Variants in ZNF766 observed in about 807,000 individuals in gnomAD.
ZNF766 encodes the protein zinc finger protein 766.
In ZNF766, 13 loss-of-function variants were observed where a neutral mutation model predicts 13.2. That is an observed-to-expected ratio of 0.98 (90% CI 0.64 to 1.56). The LOEUF (loss-of-function observed/expected upper bound fraction) is 1.56, where lower values mean the gene tolerates loss of function less well. Ranked by LOEUF, ZNF766 falls within the 40% of genes most tolerant of loss-of-function variation. The pLI is 0.00. For missense variants in ZNF766, 521 were observed against 552.2 expected, an observed-to-expected ratio of 0.94 and a Z score of 0.57; for synonymous variants, 178 against 187.6, an observed-to-expected ratio of 0.95 and a Z score of 0.42.
intron 1 of ZNF766, among the ~76,000 whole-genome samples, chr19:52,273,870 C>T (rs1981077826): frequency 6.6e-6 from 1 of 152,220 alleles, no homozygotes; most frequent in Non-Finnish European, 1.5e-5. Flanking sequence ...CATTGGAGTG[C>T]AGATACACAT....
rs764681800 is a variant in ZNF766 at position 52,283,427 on chromosome 19, T to C, written c.274+14T>C. 6.4e-7 allele frequency: 1 copy of C among 1,551,574 alleles called. No homozygotes were observed. The highest frequency in any genetic ancestry group is 8.7e-7 in the Non-Finnish European group (1 of 1,151,462). On this transcript the variant is annotated intron_variant, in intron 3 of 3. Coordinates refer to ENST00000439461, the MANE Select transcript of ZNF766 (RefSeq NM_001010851.3). The stretch of plus-strand genomic sequence containing the variant: ...ATATCAACACAGGTAAGAGCTCAGA[T>C]GGACAGAGTGAAAGCCACACTTTTT...
rs1214337892 is a variant in ZNF766, at chr19:52,290,829, G to A, written c.1038G>A (p.Leu346=). ...FSGHSSLTTH[L]LIHTGEKPYK... Reference sequence around the variant, plus strand: ...GGCATTCAAGCCTCACCACCCATCTGTTAATCCACACTGGAGAGAAACCTT... The same window carrying A: ...GGCATTCAAGCCTCACCACCCATCTATTAATCCACACTGGAGAGAAACCTT... Residue 346 remains leucine, a synonymous_variant, in exon 4 of 4, where the codon CTG becomes CTA. Coordinates refer to ENST00000439461, the MANE Select transcript of ZNF766 (RefSeq NM_001010851.3). 6.2e-7 allele frequency: 1 copy of A among 1,613,966 alleles called. No homozygotes were observed. Among genetic ancestry groups the A allele is most frequent in the East Asian group, 2.2e-5 (1 of 44,896 alleles).
In ZNF766 at chr19:52,283,345, C is replaced by G; in HGVS notation, c.206C>G (p.Thr69Ser). 1 of 1,613,692 alleles carries G rather than the reference C, an allele frequency of 6.2e-7. No homozygotes were observed. The highest frequency in any genetic ancestry group is 2.2e-5 in the East Asian group (1 of 44,872). Residue 69 changes from threonine (T) to serine (S), a missense_variant, in exon 3 of 4, where the codon ACT becomes AGT. Physicochemically the swap from Thr to Ser is moderately conservative, Grantham distance 58. Transcript: ENST00000439461. ...ATGAAGCAAAGGACAGAGCCCTGGACTGTGGAGAATGAAATGAAAGTAGCA... is the reference window on the plus strand; with the variant it reads ...ATGAAGCAAAGGACAGAGCCCTGGAGTGTGGAGAATGAAATGAAAGTAGCA... ...SMMKQRTEPW[T>S]VENEMKVAKN...
At position 52,293,036 on chromosome 19, in the gene ZNF766, A is replaced by G. The variant is rs182156228; in HGVS notation, c.*1838A>G. 2,712 of 152,150 alleles carry G rather than the reference A, an allele frequency of 0.018. 41 individuals carry two copies. The highest frequency in any genetic ancestry group is 0.037 in the Middle Eastern group (11 of 294). The allele number at this position is 152,150 out of a possible 1,614,324, so 9.4% of individuals were successfully genotyped here. On this transcript the variant is annotated 3_prime_UTR_variant, in exon 4 of 4. Transcript: ENST00000439461. ...TGTGTCCAGGTGTTCTCATTGATCA[A>G]TTCCCACCTATGAGTGAGAACATGG...
rs1173283803 is a variant in ZNF766, at chr19:52,290,117, A to G, written c.326A>G (p.Gln109Arg). 6.2e-7 allele frequency: 1 copy of G among 1,614,034 alleles called. No individual in the cohort carries two copies. Among genetic ancestry groups the G allele is most frequent in the Admixed American group, 1.7e-5 (1 of 59,994 alleles). Residue 109 changes from glutamine (Q) to arginine (R), a missense_variant, in exon 4 of 4, where the codon CAA becomes CGA. Transcript: ENST00000439461. ...SKAGNKPITNQLGLTFQLPLP... is the reference protein window; with the variant it reads ...SKAGNKPITNRLGLTFQLPLP... The stretch of plus-strand genomic sequence containing the variant: ...GCAGGAAACAAGCCTATTACAAATC[A>G]ACTTGGATTAACCTTTCAGTTACCT...
chr19:52,282,450 A>G (rs1163664924), intron 2 of ZNF766: 2 of 366,886 alleles, frequency 5.5e-6, no homozygotes, highest in East Asian at 1.4e-4. Context: ...AACCTGACCA[A>G]AATGATAAAA....
chr19:52,277,451 T>G, intron 1 of ZNF766: 1 of 1,534,100 alleles, frequency 6.5e-7, no homozygotes, highest in Admixed American at 2.0e-5. Flanking sequence ...AGAGTGAGAC[T>G]CCGTCTCAAA....
chr19:52,295,128 ATAT>A lies in ZNF766; in HGVS notation c.*3932_*3934del, dbSNP rs1600207992. ...ATATGCACGTATAGACACATATATA[ATAT>A]TTTTTTTTTACTTTTTTCTTTTTCT... On this transcript the variant is annotated 3_prime_UTR_variant, in exon 4 of 4. Transcript: ENST00000439461. 6.6e-6 allele frequency: 1 copy of A among 150,738 alleles called. No homozygotes were observed. The highest frequency in any genetic ancestry group is 1.9e-4 in the East Asian group (1 of 5,194). 9.3% of individuals were successfully genotyped at this position (150,738 alleles called of 1,614,324 possible).
intron 1 of ZNF766, among the ~76,000 whole-genome samples, chr19:52,273,949 G>T (rs1981082210): frequency 6.6e-6 from 1 of 152,202 alleles, no homozygotes; most frequent in Admixed American, 6.5e-5. Flanking sequence ...CTTAATATTT[G>T]AAGTTGATTC....
chr19:52,277,607 T>G, intron 1 of ZNF766: 1 of 1,499,722 alleles, frequency 6.7e-7, no homozygotes, highest in Non-Finnish European at 9.0e-7. Flanking sequence ...GGTGCTGGAG[T>G]TGAGAATCTT....
Position 52,273,331 on chromosome 19 carries a change from T to A in ZNF766, c.18+3700T>A, listed in dbSNP as rs191415783. ...CCTATAAGTACATTAATTTATAACATAAATAATTACATAGTTACTAAAACA... is the reference window on the plus strand; with the variant it reads ...CCTATAAGTACATTAATTTATAACAAAAATAATTACATAGTTACTAAAACA... On this transcript the variant is annotated intron_variant, in intron 1 of 3. Coordinates refer to ENST00000439461, the MANE Select transcript of ZNF766 (RefSeq NM_001010851.3). Among the ~76,000 whole-genome samples the A allele has an allele frequency of 5.9e-5, 9 of 152,352 alleles. No individual in the cohort carries two copies. In the East Asian group the frequency reaches 1.5e-3, roughly 26 times the overall value.
At chr19:52,277,383 C>G in intron 1 of ZNF766, 1 of 1,207,696 alleles carries the variant, frequency 8.3e-7, no homozygotes, top group Non-Finnish European at 1.2e-6. Flanking sequence ...GGTGTGAACC[C>G]GGGAGGCGGA....
chr19:52,292,735 C>CTTCT lies in ZNF766; in HGVS notation c.*1542_*1545dup, dbSNP rs1406305301. ...ATTTTCCAAAGTGTGAATGATTTAC[C>CTTCT]TTCTTTCTACCAATATTGTTTTATC... On this transcript the variant is annotated 3_prime_UTR_variant, in exon 4 of 4. Coordinates refer to ENST00000439461, the MANE Select transcript of ZNF766 (RefSeq NM_001010851.3). The CTTCT allele has an allele frequency of 2.0e-5, 3 of 152,120 alleles. No homozygotes were observed. In the South Asian group the frequency reaches 6.2e-4, roughly 32 times the overall value. The allele number at this position is 152,120 out of a possible 1,614,324, so 9.4% of individuals were successfully genotyped here. A position where few individuals can be genotyped will look rare whatever the true frequency, so the allele number is the denominator to read the frequency against.
intron 1 of ZNF766, among the ~76,000 whole-genome samples, chr19:52,274,216 C>A (rs891990349): frequency 5.4e-5 from 8 of 146,958 alleles, no homozygotes; most frequent in African/African-American, 2.1e-4. Context: ...CTTCCAAGAT[C>A]CCCCCAAGAC....
intron 2 of ZNF766, among the ~76,000 whole-genome samples, chr19:52,282,840 G>A (rs950760966): frequency 6.6e-6 from 1 of 152,098 alleles, no homozygotes; most frequent in Non-Finnish European, 1.5e-5. Context: ...TGATTCTATA[G>A]TTCTTGGAAG....
chr19:52,273,113 A>G (rs955808732), intron 1 of ZNF766, among the ~76,000 whole-genome samples: 1 of 151,772 alleles, frequency 6.6e-6, no homozygotes, highest in Non-Finnish European at 1.5e-5. Context: ...GGTTCAAGCA[A>G]TTCTCCTGTC....
chr19:52,289,455 C>T (rs976012100), intron 3 of ZNF766, among the ~76,000 whole-genome samples: 2 of 152,082 alleles, frequency 1.3e-5, no homozygotes, highest in African/African-American at 4.8e-5. Flanking sequence ...TATGCAGCTG[C>T]TCATAAGTGT....
chr19:52,287,633 T>C (rs1283957699), intron 3 of ZNF766, among the ~76,000 whole-genome samples: 1 of 152,260 alleles, frequency 6.6e-6, no homozygotes, highest in Non-Finnish European at 1.5e-5. Flanking sequence ...TTGGTAGGTA[T>C]TTAATAACTG....
intron 1 of ZNF766, among the ~76,000 whole-genome samples, chr19:52,276,290 C>A (rs985758640): frequency 6.6e-6 from 1 of 152,118 alleles, no homozygotes; most frequent in Admixed American, 6.5e-5. Flanking sequence ...ACTGGTAATA[C>A]CTAATTAAAT....
Sources: allele counts gnomAD v4.1 joint callset (sites outside exome capture counted in the v4.1 genomes callset), GRCh38; gene constraint gnomAD v4.1.1; transcripts MANE v1.5; gene names NCBI Gene and HGNC (gene_info 2026-07-23, HGNC 2026-07-21).